The following STIP1 variants were observed in gnomAD, a reference collection of about 807,000 sequenced individuals.
STIP1 encodes the protein stress induced phosphoprotein 1.
STIP1 carries 16 observed loss-of-function variants against 77.4 expected under a neutral mutation model. The ratio of observed to expected loss-of-function variants is 0.21; its 90% CI spans 0.14 to 0.31. The LOEUF (loss-of-function observed/expected upper bound fraction) is 0.31. Among genes scored for constraint, STIP1 ranks in the 10% least tolerant of loss-of-function variants. The pLI, the probability that STIP1 is intolerant of heterozygous loss-of-function variation, is 1.00. For missense variants in STIP1, 524 were observed against 684.8 expected (o/e 0.77, Z 2.62); for synonymous variants, 258 against 246.6 (o/e 1.05, Z -0.44).
chr11:64,192,865 T>C (rs371258361), intron 1 of STIP1, among the ~76,000 whole-genome samples: 1 of 152,000 alleles, frequency 6.6e-6, no homozygotes, highest in African/African-American at 2.4e-5. Flanking sequence ...CAGCGTGGAG[T>C]GCAGCCTGGG....
chr11:64,198,062 C>CTTT lies in STIP1; in HGVS notation c.1023+100_1023+102dup, dbSNP rs35235491. The CTTT allele has an allele frequency of 8.7e-3, 11,264 of 1,294,846 alleles. 1 individual carries two copies. The highest frequency in any genetic ancestry group is 0.013 in the Middle Eastern group (44 of 3,518). 80.2% of individuals were successfully genotyped at this position (1,294,846 alleles called of 1,614,324 possible). ...CTGTTTTATTTAATAATGAACTTGA[C>CTTT]TTTTTTTTTTTTTTGAGATAGGGTC... On this transcript the variant is annotated intron_variant, in intron 8 of 13. Transcript: ENST00000305218.
rs768655776 is a variant in STIP1, at chr11:64,200,296, G to A, written c.1245+3G>A. 1.9e-6 allele frequency: 3 copies of A among 1,608,208 alleles called. No homozygotes were observed. In the African/African-American group the frequency reaches 4.0e-5, roughly 22 times the overall value. ...TGGAGTTCCAGCTGGCACTCAAGGT[G>A]ACGAGACCTGTGGGGGCGGCCATTA... is the stretch of plus-strand genomic sequence containing the variant. On this transcript the variant is annotated splice_donor_region_variant and intron_variant, in intron 10 of 13. Transcript: ENST00000305218.
chr11:64,187,696 C>T (rs577361667), intron 1 of STIP1, among the ~76,000 whole-genome samples: 2 of 152,274 alleles, frequency 1.3e-5, no homozygotes, highest in African/African-American at 2.4e-5. Context: ...AGACGTTGCT[C>T]TTTTACCTTT....
At chr11:64,195,975 C>T (rs1050494708) in intron 5 of STIP1, 162 bp downstream of exon 5, 13 of 921,862 alleles carry the variant, frequency 1.4e-5, no homozygotes, top group Non-Finnish European at 2.1e-5. Flanking sequence ...CTTCTGGCCT[C>T]AAGCGATGCT....
At chr11:64,185,700 T>G, upstream of STIP1, 3 of 1,323,568 alleles carry the variant, frequency 2.3e-6, no homozygotes, top group African/African-American at 2.9e-5. Flanking sequence ...CAGCCGGTAC[T>G]CCCATATATC....
rs1946011924 is a variant in STIP1 at position 64,186,174 on chromosome 11, T to C, written c.-88T>C. 1 of 1,549,978 alleles carries C rather than the reference T, an allele frequency of 6.5e-7. No homozygotes were observed. The highest frequency in any genetic ancestry group is 8.7e-7 in the Non-Finnish European group (1 of 1,146,738). On this transcript the variant is annotated 5_prime_UTR_variant, in exon 1 of 14. Transcript: ENST00000305218. ...GGGCGGGAGCCGGGGTCCCGGTAGC[T>C]TCTAGTAGGTTCCAGAAGGCGGCGC...
rs1946198937 is a variant in STIP1 at position 64,200,010 on chromosome 11, A to G, written c.1094A>G (p.Asn365Ser). The change falls in exon 9 of 14, where the codon AAC becomes AGC. Residue 365 changes from asparagine (N) to serine (S), a missense_variant. By Grantham distance (46) the Asn-to-Ser change is conservative (BLOSUM62 1). Transcript: ENST00000305218. ...CCCGACCTGGCTTTGGAGGAGAAGA[A>G]CAAAGGCAACGAGTGTTTTCAGAAA... ...INPDLALEEK[N>S]KGNECFQKGD... The G allele has an allele frequency of 6.2e-7, 1 of 1,614,110 alleles. No homozygotes were observed. Among genetic ancestry groups the G allele is most frequent in the African/African-American group, 1.3e-5 (1 of 74,936 alleles).
intron 11 of STIP1, 89 bp from the exon 12 acceptor site, chr11:64,203,036 T>A: frequency 1.3e-6 from 2 of 1,590,058 alleles, no homozygotes; most frequent in Non-Finnish European, 1.7e-6. Flanking sequence ...CATCAGCAGG[T>A]GTGAACAGTG....
intron 10 of STIP1, among the ~76,000 whole-genome samples, chr11:64,202,193 AAT>A (rs1353785206): frequency 6.6e-6 from 1 of 152,072 alleles, no homozygotes; most frequent in Non-Finnish European, 1.5e-5. Context: ...CTTCTCCAAA[AAT>A]ATGTTTTAAA....
intron 13 of STIP1, 135 bp from the exon 14 acceptor site, chr11:64,203,919 C>T (rs1946251072): frequency 9.4e-7 from 1 of 1,063,536 alleles, no homozygotes; most frequent in Admixed American, 2.1e-5. Flanking sequence ...GCCTCTGCAG[C>T]TCGGCGCCCC....
At chr11:64,200,415 C>G in intron 10 of STIP1, 122 bp downstream of exon 10, 1 of 1,449,510 alleles carries the variant, frequency 6.9e-7, no homozygotes, top group East Asian at 2.3e-5. Flanking sequence ...GTGTCTCACT[C>G]TGTCCTGCCT....
rs756430581 is a variant in STIP1 at position 64,203,261 on chromosome 11, CT to C, written c.1386+34del. ...TGCTTCTGGCCTCCAGGGGCCCCCC[CT>C]GCCTCTTTCTCTGTTGGGGCTTTTC... On this transcript the variant is annotated intron_variant, in intron 12 of 13. Coordinates refer to ENST00000305218, the MANE Select transcript of STIP1 (RefSeq NM_006819.3). The C allele has an allele frequency of 1.6e-5, 25 of 1,609,562 alleles. No homozygotes were observed. In the East Asian group the frequency reaches 1.6e-4, roughly 10 times the overall value.
chr11:64,190,003 C>CT (rs757338090), intron 1 of STIP1, among the ~76,000 whole-genome samples: 109 of 146,408 alleles, frequency 7.4e-4, no homozygotes, highest in East Asian at 3.0e-3. Context: ...TCATTTCTCT[C>CT]TTTTTTTTTT....
chr11:64,191,393 G>A (rs968525244), intron 1 of STIP1, among the ~76,000 whole-genome samples: 3 of 151,884 alleles, frequency 2.0e-5, no homozygotes, highest in South Asian at 2.1e-4. Context: ...GGATTAAGAG[G>A]TCAGGAGTTC....
chr11:64,200,557 G>A (rs557612651), intron 10 of STIP1, among the ~76,000 whole-genome samples: 3 of 151,574 alleles, frequency 2.0e-5, no homozygotes, highest in East Asian at 1.9e-4. Flanking sequence ...GTGTGTGTGC[G>A]TGTGTAAAAT....
At chr11:64,191,005 T>G (rs1277686150) in intron 1 of STIP1, among the ~76,000 whole-genome samples, 4 of 151,556 alleles carry the variant, frequency 2.6e-5, no homozygotes, top group Admixed American at 2.6e-4. Flanking sequence ...CTGACCAACA[T>G]GGAGAAACCC....
Position 64,191,638 on chromosome 11 carries a change from C to T in STIP1, c.10-1440C>T, listed in dbSNP as rs190222262. 3.1e-3 allele frequency among the ~76,000 whole-genome samples: 473 copies of T among 152,198 alleles called. 1 individual carries two copies. Among genetic ancestry groups the T allele is most frequent in the African/African-American group, 0.011 (460 of 41,538 alleles). The stretch of plus-strand genomic sequence containing the variant: ...ATAATAATAAATACAATGAGCTTCT[C>T]AAGGGGTTGCCTGCCCTCAGGTAGG... On this transcript the variant is annotated intron_variant, in intron 1 of 13. Coordinates refer to ENST00000305218, the MANE Select transcript of STIP1 (RefSeq NM_006819.3).
chr11:64,196,776 C>T (rs1946155272), intron 5 of STIP1: 1 of 159,112 alleles, frequency 6.3e-6, no homozygotes, highest in Non-Finnish European at 1.4e-5. Context: ...TTTAGGGTGT[C>T]TCAGCTGGAA....
rs1450396732 is a variant in STIP1, at chr11:64,204,115, G to A, written c.1621G>A (p.Ala541Thr). Residue 541 changes from alanine to threonine, a missense_variant, in exon 14 of 14, where the codon GCA becomes ACA. Physicochemically the swap from Ala to Thr is moderately conservative, Grantham distance 58 (BLOSUM62 0). Coordinates refer to ENST00000305218, the MANE Select transcript of STIP1 (RefSeq NM_006819.3). The stretch of plus-strand genomic sequence containing the variant: ...GAAGCTGATGGATGTGGGTCTGATT[G>A]CAATTCGGTGATGACTTGTTCATCC... The part of the protein sequence containing the change: ...IQKLMDVGLI[A>T]IR 10 of 1,614,050 alleles carry A rather than the reference G, an allele frequency of 6.2e-6. No homozygotes were observed. Among genetic ancestry groups the A allele is most frequent in the Non-Finnish European group, 8.5e-6 (10 of 1,180,032 alleles).
Sources: allele counts gnomAD v4.1 joint callset (sites outside exome capture counted in the v4.1 genomes callset), GRCh38; gene constraint gnomAD v4.1.1; transcripts MANE v1.5; gene names NCBI Gene and HGNC (gene_info 2026-07-23, HGNC 2026-07-21).